Variants in NUP62CL observed in about 807,000 individuals in gnomAD.
NUP62CL encodes the protein nucleoporin-62 C-terminal-like protein.
NUP62CL carries 13 observed loss-of-function variants against 15.3 expected under a neutral mutation model. The ratio of observed to expected loss-of-function variants is 0.85; its 90% CI spans 0.55 to 1.35. NUP62CL has a LOEUF of 1.35. Ranked by LOEUF, NUP62CL falls within the 40% of genes most tolerant of loss-of-function variation. The pLI, the probability that NUP62CL is intolerant of heterozygous loss-of-function variation, is 0.00. For synonymous variants in NUP62CL, 54 were observed against 49.2 expected (o/e 1.10, Z -0.41); for missense variants, 123 against 130.6 (o/e 0.94, Z 0.28).
chrX:107,163,964 A>T (rs769240530), intron 4 of NUP62CL, among the ~76,000 whole-genome samples: 55 of 112,065 alleles, frequency 4.9e-4, no homozygotes, highest in African/African-American at 1.7e-3. Flanking sequence ...AGACAGAAAG[A>T]CTCCAATAAC....
chrX:107,196,802 T>C (rs950141393), intron 1 of NUP62CL, among the ~76,000 whole-genome samples: 8 of 111,851 alleles, frequency 7.2e-5, no homozygotes, highest in Non-Finnish European at 1.5e-4. Context: ...AAGTTCACAG[T>C]TGACAGACTC....
chrX:107,154,079 T>C lies in NUP62CL; in HGVS notation c.345+17A>G. On this transcript the variant is annotated intron_variant, in intron 5 of 8. Transcript: ENST00000372466. ...TACTTGCACAATGTAGGTAGATTAA[T>C]GAAAATATTTTCTTACCATCTCACC... is the stretch of plus-strand genomic sequence containing the variant. 8.5e-7 allele frequency: 1 copy of C among 1,179,354 alleles called. No individual in the cohort carries two copies. The highest frequency in any genetic ancestry group is 1.1e-6 in the Non-Finnish European group (1 of 875,104).
intron 2 of NUP62CL, among the ~76,000 whole-genome samples, chrX:107,182,108 A>G (rs1411269731): frequency 8.9e-6 from 1 of 112,451 alleles, no homozygotes; most frequent in Non-Finnish European, 1.9e-5. Context: ...TAGGGGAGCA[A>G]ATACCACTTA....
chrX:107,145,372 C>T (rs1247861565), intron 8 of NUP62CL, among the ~76,000 whole-genome samples: 1 of 111,099 alleles, frequency 9.0e-6, no homozygotes, highest in African/African-American at 3.3e-5. Context: ...ATTCCTTAGG[C>T]TTCATTATAT....
intron 1 of NUP62CL, among the ~76,000 whole-genome samples, chrX:107,197,866 G>A (rs1927391826): frequency 8.9e-6 from 1 of 111,808 alleles, no homozygotes; most frequent in South Asian, 3.7e-4. Context: ...AAATTCTGAC[G>A]GTTCCATTAA....
chrX:107,171,673 T>C (rs1926653646), intron 3 of NUP62CL, among the ~76,000 whole-genome samples: 1 of 111,469 alleles, frequency 9.0e-6, no homozygotes, highest in Non-Finnish European at 1.9e-5. Flanking sequence ...ATGGGAATTA[T>C]GGGAGGTACA....
At chrX:107,180,479 G>GA (rs1926889779) in intron 2 of NUP62CL, among the ~76,000 whole-genome samples, 1 of 111,621 alleles carries the variant, frequency 9.0e-6, no homozygotes, top group South Asian at 3.8e-4. Context: ...AAATACTGAG[G>GA]AAAAACATAC....
At chrX:107,162,962 G>GTA (rs1926425828) in intron 4 of NUP62CL, among the ~76,000 whole-genome samples, 1 of 111,621 alleles carries the variant, frequency 9.0e-6, no homozygotes, top group Admixed American at 9.5e-5. Context: ...AGCTCAGGCA[G>GTA]TAATGCACGC....
intron 4 of NUP62CL, among the ~76,000 whole-genome samples, chrX:107,161,083 T>C (rs1173397449): frequency 9.0e-6 from 1 of 110,509 alleles, no homozygotes; most frequent in Non-Finnish European, 1.9e-5. Flanking sequence ...CACTATGAGA[T>C]ATCATCTCAC....
chrX:107,147,850 A>T, intron 7 of NUP62CL, 41 bp from the exon 8 acceptor site: 1 of 1,046,790 alleles, frequency 9.6e-7, no homozygotes, highest in South Asian at 2.0e-5. Context: ...GATTATTCTG[A>T]GGTGGTAAAT....
intron 1 of NUP62CL, among the ~76,000 whole-genome samples, chrX:107,195,763 G>A (rs1026641009): frequency 2.7e-5 from 3 of 110,763 alleles, no homozygotes; most frequent in African/African-American, 9.9e-5. Flanking sequence ...CACAGAAAGG[G>A]AAGCAATAAG....
chrX:107,192,303 A>C (rs915034047), intron 2 of NUP62CL, among the ~76,000 whole-genome samples: 1 of 112,394 alleles, frequency 8.9e-6, no homozygotes, highest in African/African-American at 3.2e-5. Context: ...ACAGTACAGA[A>C]TTCAGTGTGC....
At chrX:107,203,717 T>C (rs1226919868) in intron 1 of NUP62CL, among the ~76,000 whole-genome samples, 11 of 111,105 alleles carry the variant, frequency 9.9e-5, no homozygotes. Context: ...TAAATAAAAA[T>C]AACAAAAAAG....
At chrX:107,194,811 CT>C (rs1174813324) in intron 1 of NUP62CL, among the ~76,000 whole-genome samples, 567 of 46,281 alleles carry the variant, frequency 0.012, 1 homozygote, top group African/African-American at 0.041. Flanking sequence ...TTCTTTCTCT[CT>C]TTTTTTTTTT....
At chrX:107,191,246 C>G (rs1442977015) in intron 2 of NUP62CL, among the ~76,000 whole-genome samples, 1 of 103,972 alleles carries the variant, frequency 9.6e-6, no homozygotes, top group Non-Finnish European at 2.0e-5. Context: ...TATTTCATCT[C>G]AATACAGAAA....
At chrX:107,201,624 CAA>C (rs754000601) in intron 1 of NUP62CL, among the ~76,000 whole-genome samples, 1 of 90,948 alleles carries the variant, frequency 1.1e-5, no homozygotes. Context: ...TACTGCTGAC[CAA>C]AAAAAAAAAA....
chrX:107,138,222 A>G (rs1021412749), intron 8 of NUP62CL, among the ~76,000 whole-genome samples: 18 of 111,814 alleles, frequency 1.6e-4, no homozygotes, highest in African/African-American at 4.9e-4. Context: ...TAGAAAAAAG[A>G]TATAGGAAAA....
chrX:107,202,599 T>G (rs923544629), intron 1 of NUP62CL: 1 of 108,170 alleles, frequency 9.2e-6, no homozygotes, highest in Non-Finnish European at 1.9e-5. Context: ...TACAGTGGTA[T>G]TTATTAATAC....
chrX:107,167,777 A>G lies in NUP62CL; in HGVS notation c.66T>C (p.Thr22=), dbSNP rs1422340024. The G allele has an allele frequency of 8.4e-7, 1 of 1,190,782 alleles. No homozygotes were observed. The highest frequency in any genetic ancestry group is 1.8e-5 in the South Asian group (1 of 55,343). The part of the protein sequence containing the change: ...STAAIGLSFT[T]STTTTATFTT... Reference sequence around the variant, plus strand: ...TGAAAGTGGCGGTGGTAGTCGTTGAAGTTGTAACTGGAAAATAAAGTGTAT... The same window carrying G: ...TGAAAGTGGCGGTGGTAGTCGTTGAGGTTGTAACTGGAAAATAAAGTGTAT... The change falls in exon 4 of 9, where the codon ACT becomes ACC. Residue 22 remains threonine (T), a synonymous_variant. Transcript: ENST00000372466.
Sources: allele counts gnomAD v4.1 joint callset (sites outside exome capture counted in the v4.1 genomes callset), GRCh38; gene constraint gnomAD v4.1.1; transcripts MANE v1.5; gene names NCBI Gene and HGNC (gene_info 2026-07-23, HGNC 2026-07-21).